Variants in FILIP1 observed in about 807,000 individuals in gnomAD.
The protein encoded by FILIP1 is filamin A interacting protein 1, also known as filamin-A-interacting protein 1.
FILIP1 carries 61 observed loss-of-function variants against 102.1 expected under a neutral mutation model. The ratio of observed to expected loss-of-function variants is 0.60; its 90% CI spans 0.49 to 0.74. The LOEUF (loss-of-function observed/expected upper bound fraction) is 0.74. Ranked by LOEUF, FILIP1 falls within the 30% of genes least tolerant of loss-of-function variation. The pLI is 0.00. For synonymous variants in FILIP1, 491 were observed against 526.9 expected (o/e 0.93, Z 0.93); for missense variants, 1,314 against 1,441.2 (o/e 0.91, Z 1.43).
intron 2 of FILIP1, among the ~76,000 whole-genome samples, chr6:75,393,507 T>A (rs996612044): frequency 1.9e-4 from 29 of 152,150 alleles, no homozygotes; most frequent in Non-Finnish European, 3.2e-4. Flanking sequence ...AGGATTGGCC[T>A]TTCCACATGT....
chr6:75,349,270 G>A (rs535933047), intron 4 of FILIP1, among the ~76,000 whole-genome samples: 2 of 152,256 alleles, frequency 1.3e-5, no homozygotes, highest in South Asian at 4.1e-4. Context: ...GAAGAGGTGA[G>A]AAACCCTTAC....
intron 1 of FILIP1, among the ~76,000 whole-genome samples, chr6:75,444,460 G>C (rs1173437579): frequency 6.6e-6 from 1 of 151,996 alleles, no homozygotes; most frequent in Non-Finnish European, 1.5e-5. Context: ...GCCCATCTTT[G>C]TTATAAATTT....
chr6:75,368,185 C>T (rs1775402189), intron 2 of FILIP1, among the ~76,000 whole-genome samples: 1 of 152,124 alleles, frequency 6.6e-6, no homozygotes, highest in Non-Finnish European at 1.5e-5. Flanking sequence ...TAAATACCCA[C>T]AACTGAAACT....
intron 5 of FILIP1, among the ~76,000 whole-genome samples, chr6:75,309,265 T>C (rs889699434): frequency 6.6e-5 from 10 of 152,288 alleles, no homozygotes; most frequent in African/African-American, 2.2e-4. Flanking sequence ...ACTCCCTCCT[T>C]TCTTCCATTT....
chr6:75,413,554 C>A (rs1475960533), intron 2 of FILIP1, among the ~76,000 whole-genome samples: 1 of 152,010 alleles, frequency 6.6e-6, no homozygotes, highest in African/African-American at 2.4e-5. Flanking sequence ...TATGCACACA[C>A]AGATGATAAC....
chr6:75,335,107 A>C (rs973155512), intron 4 of FILIP1, among the ~76,000 whole-genome samples: 1 of 152,196 alleles, frequency 6.6e-6, no homozygotes, highest in Non-Finnish European at 1.5e-5. Context: ...TATTCAGCAC[A>C]TACTGGAATT....
At chr6:75,353,166 T>C (rs1329912415) in intron 4 of FILIP1, among the ~76,000 whole-genome samples, 1 of 151,384 alleles carries the variant, frequency 6.6e-6, no homozygotes, top group African/African-American at 2.4e-5. Context: ...GTAACAAACC[T>C]GCACGTTGTG....
intron 6 of FILIP1, chr6:75,296,029 A>G: frequency 2.0e-6 from 2 of 1,006,552 alleles, no homozygotes; most frequent in Non-Finnish European, 2.7e-6. Context: ...CTAAAAGATC[A>G]TAGATGTTAA....
intron 1 of FILIP1, among the ~76,000 whole-genome samples, chr6:75,424,576 A>T (rs1208656229): frequency 6.6e-6 from 1 of 152,164 alleles, no homozygotes; most frequent in Non-Finnish European, 1.5e-5. Context: ...CTGTTTTTTT[A>T]AAGTAACTGA....
At chr6:75,456,018 C>T (rs903961695) in intron 1 of FILIP1, among the ~76,000 whole-genome samples, 1 of 152,162 alleles carries the variant, frequency 6.6e-6, no homozygotes, top group East Asian at 1.9e-4. Flanking sequence ...ACCTAAAATG[C>T]TCTCCATCAA....
chr6:75,302,557 T>A (rs1048653035), intron 6 of FILIP1, among the ~76,000 whole-genome samples: 1 of 151,952 alleles, frequency 6.6e-6, no homozygotes, highest in Non-Finnish European at 1.5e-5. Flanking sequence ...GAAGGACACA[T>A]CCGCCAAAAG....
At chr6:75,312,358 C>T (rs1470478365) in intron 5 of FILIP1, 39 bp downstream of exon 5, 3 of 1,578,608 alleles carry the variant, frequency 1.9e-6, no homozygotes, top group East Asian at 2.2e-5. Flanking sequence ...ACGTCTCCCT[C>T]CCTCTGCAGG....
intron 1 of FILIP1, among the ~76,000 whole-genome samples, chr6:75,438,722 A>G (rs566207360): frequency 6.6e-6 from 1 of 152,308 alleles, no homozygotes; most frequent in East Asian, 1.9e-4. Flanking sequence ...TGGCTCAGAT[A>G]AATTAAAGAA....
chr6:75,437,478 T>C (rs1778064556), intron 1 of FILIP1, among the ~76,000 whole-genome samples: 1 of 152,236 alleles, frequency 6.6e-6, no homozygotes, highest in African/African-American at 2.4e-5. Flanking sequence ...TCAGCAATCC[T>C]CTTGGCCAGA....
Position 75,414,872 on chromosome 6 carries a change from T to G in FILIP1, c.101A>C (p.Glu34Ala). 6.2e-7 allele frequency: 1 copy of G among 1,613,984 alleles called. No individual in the cohort carries two copies. Among genetic ancestry groups the G allele is most frequent in the East Asian group, 2.2e-5 (1 of 44,876 alleles). The stretch of plus-strand genomic sequence containing the variant: ...TGATTTCTTCTTCTTTTTTGCATCT[T>G]CTGAGAGACTTTTTTCACCAGCATT... ...IGNAGEKSLS[E>A]DAKKKKKSNR... Residue 34 changes from glutamate to alanine, a missense_variant, in exon 2 of 6, where the codon GAA (glutamate) becomes GCA (alanine). Coordinates refer to ENST00000237172, the MANE Select transcript of FILIP1 (RefSeq NM_015687.5).
chr6:75,450,612 C>A (rs972711997), intron 1 of FILIP1, among the ~76,000 whole-genome samples: 1 of 150,624 alleles, frequency 6.6e-6, no homozygotes, highest in Non-Finnish European at 1.5e-5. Context: ...ACACTGCACT[C>A]CAGCCTGGGG....
chr6:75,442,475 A>T (rs1196372940), intron 1 of FILIP1, among the ~76,000 whole-genome samples: 1 of 152,230 alleles, frequency 6.6e-6, no homozygotes, highest in African/African-American at 2.4e-5. Context: ...TTGAGCACTG[A>T]GTGAACCAGA....
intron 2 of FILIP1, chr6:75,384,683 C>T (rs1776022750): frequency 6.6e-6 from 1 of 152,024 alleles, no homozygotes; most frequent in Admixed American, 6.6e-5. Context: ...GGGAAGTCTT[C>T]AGGATTAATC....
At chr6:75,338,599 C>T (rs528326076) in intron 4 of FILIP1, among the ~76,000 whole-genome samples, 21 of 152,228 alleles carry the variant, frequency 1.4e-4, no homozygotes, top group East Asian at 1.9e-4. Flanking sequence ...TGTAGTGATA[C>T]GAGACAACAC....
Sources: gnomAD v4.1 joint callset for allele counts (sites outside exome capture counted in the v4.1 genomes callset) on GRCh38, gnomAD v4.1.1 for gene constraint, MANE v1.5 for transcripts, NCBI Gene and HGNC (gene_info 2026-07-23, HGNC 2026-07-21) for gene names.